Variants in RANGAP1 observed in about 807,000 individuals in gnomAD.
RANGAP1 encodes ran GTPase-activating protein 1.
A neutral mutation model predicts 63.5 loss-of-function variants in RANGAP1; 38 were observed. That is an observed-to-expected ratio of 0.60 (90% CI 0.46 to 0.78). The LOEUF is 0.78. Among genes scored for constraint, RANGAP1 ranks in the 30% least tolerant of loss-of-function variants. The pLI is 0.00. For synonymous variants in RANGAP1, 329 were observed against 310.5 expected, an observed-to-expected ratio of 1.06 and a Z score of -0.63; for missense variants, 630 against 740.3, an observed-to-expected ratio of 0.85 and a Z score of 1.73.
chr22:41,256,397 T>A, intron 8 of RANGAP1, 107 bp from the exon 9 acceptor site: 1 of 1,145,894 alleles, frequency 8.7e-7, no homozygotes. Flanking sequence ...GGCTCTGTCC[T>A]CCAGGTGGGG....
In RANGAP1 at chr22:41,256,710, C is replaced by T; in HGVS notation, c.888+1G>A. On this transcript the variant is annotated splice_donor_variant, in intron 8 of 15. Coordinates refer to ENST00000356244, the MANE Select transcript of RANGAP1 (RefSeq NM_002883.4). LOFTEE classifies it high-confidence loss of function. ...AGGACGTCAGGCGTCCAGGCTGGCA[C>T]CTTTAGCTTGGGCAGGCCGCCGCGG... is the stretch of plus-strand genomic sequence containing the variant. The T allele has an allele frequency of 1.2e-6, 2 of 1,613,622 alleles. No homozygotes were observed. The highest frequency in any genetic ancestry group is 8.5e-7 in the Non-Finnish European group (1 of 1,179,854).
intron 2 of RANGAP1, 40 bp from the exon 3 acceptor site, chr22:41,274,767 T>C: frequency 6.2e-7 from 1 of 1,610,768 alleles, no homozygotes. Context: ...GCTTTTGGAA[T>C]CACAAACAGC....
intron 15 of RANGAP1, among the ~76,000 whole-genome samples, chr22:41,248,171 A>T (rs958283119): frequency 5.5e-4 from 68 of 123,890 alleles, no homozygotes; most frequent in Non-Finnish European, 3.5e-4. Flanking sequence ...GCTCAGGGAG[A>T]GCACACTGTG....
chr22:41,266,252 T>TAGCCCTGAAGCAACCAC (rs139522), intron 4 of RANGAP1, among the ~76,000 whole-genome samples: 117,992 of 150,800 alleles, frequency 0.78, 46,186 homozygotes, highest in Admixed American at 0.81. Flanking sequence ...AACTGACCTC[T>TAGCCCTGAAGCAACCAC]AGCTGCTCAA....
At chr22:41,281,798 C>CA (rs1368552652) in intron 1 of RANGAP1, 1 of 252,860 alleles carries the variant, frequency 4.0e-6, no homozygotes, top group Non-Finnish European at 6.2e-6. Flanking sequence ...TGATAAGCCT[C>CA]ACTATTTATA....
upstream of RANGAP1, among the ~76,000 whole-genome samples, chr22:41,289,741 C>T (rs567228025): frequency 2.2e-4 from 33 of 152,180 alleles, no homozygotes; most frequent in Non-Finnish European, 4.0e-4. Context: ...TCTGCCTGGC[C>T]CAAGAAGTGT....
intron 3 of RANGAP1, among the ~76,000 whole-genome samples, chr22:41,269,896 C>T (rs1421628236): frequency 1.3e-5 from 2 of 152,176 alleles, no homozygotes; most frequent in African/African-American, 2.4e-5. Context: ...TGCAGTGGAG[C>T]AATCTCGGCT....
chr22:41,298,931 AG>A, the RANGAP1 span, among the ~76,000 whole-genome samples: 1 of 152,206 alleles, frequency 6.6e-6, no homozygotes, highest in Non-Finnish European at 1.5e-5. Context: ...CAGCATGGTC[AG>A]GTTGTTGGTG....
At chr22:41,272,856 A>T (rs1164629518) in intron 3 of RANGAP1, among the ~76,000 whole-genome samples, 1 of 151,144 alleles carries the variant, frequency 6.6e-6, no homozygotes, top group Non-Finnish European at 1.5e-5. Context: ...TCTGTCGCTC[A>T]GGCTGGAGTG....
At chr22:41,249,668 G>A in intron 14 of RANGAP1, 61 bp downstream of exon 14, 2 of 1,567,602 alleles carry the variant, frequency 1.3e-6, no homozygotes, top group South Asian at 1.1e-5. Context: ...CATGGCTGGG[G>A]CAGCTTCTGT....
At chr22:41,247,926 T>C (rs538045841) in intron 15 of RANGAP1, among the ~76,000 whole-genome samples, 78 of 152,262 alleles carry the variant, frequency 5.1e-4, no homozygotes, top group African/African-American at 1.9e-3. Context: ...TGCTGGAGGT[T>C]GGGCAACAAG....
chr22:41,297,609 C>T, the RANGAP1 span, among the ~76,000 whole-genome samples: 1 of 148,860 alleles, frequency 6.7e-6, no homozygotes, highest in Non-Finnish European at 1.5e-5. Flanking sequence ...CTTCTTGGCT[C>T]AAGGATCCTC....
At chr22:41,271,889 C>T (rs2034856032) in intron 3 of RANGAP1, among the ~76,000 whole-genome samples, 1 of 152,208 alleles carries the variant, frequency 6.6e-6, no homozygotes, top group Non-Finnish European at 1.5e-5. Context: ...AGATCCCACC[C>T]TGCCCCTGCC....
upstream of RANGAP1, among the ~76,000 whole-genome samples, chr22:41,289,228 G>A (rs2035808908): frequency 1.3e-5 from 2 of 151,944 alleles, no homozygotes; most frequent in Non-Finnish European, 2.9e-5. Flanking sequence ...CCGGCCTCCT[G>A]AATCTATCTT....
chr22:41,261,021 C>G (rs547482679), intron 6 of RANGAP1, among the ~76,000 whole-genome samples: 1 of 152,278 alleles, frequency 6.6e-6, no homozygotes, highest in African/African-American at 2.4e-5. Flanking sequence ...CATTTGGCAC[C>G]TGAGCCCTGC....
At chr22:41,278,775 C>A (rs977637766) in intron 2 of RANGAP1, among the ~76,000 whole-genome samples, 1 of 152,206 alleles carries the variant, frequency 6.6e-6, no homozygotes, top group Non-Finnish European at 1.5e-5. Context: ...TCAAAGTGGG[C>A]GGATCACCTG....
At chr22:41,295,064 G>A in the RANGAP1 span, among the ~76,000 whole-genome samples, 1 of 147,240 alleles carries the variant, frequency 6.8e-6, no homozygotes, top group Non-Finnish European at 1.5e-5. Context: ...CGCCCTATCC[G>A]GGAGGGAGGT....
chr22:41,276,419 C>T lies in RANGAP1; in HGVS notation c.113-1692G>A, dbSNP rs2035148345. 2.0e-5 allele frequency among the ~76,000 whole-genome samples: 3 copies of T among 150,508 alleles called. 1 individual carries two copies. The South Asian group carries it at 6.3e-4, about 32-fold the overall frequency. On this transcript the variant is annotated intron_variant, in intron 2 of 15. Coordinates refer to ENST00000356244, the MANE Select transcript of RANGAP1 (RefSeq NM_002883.4). ...TTGGGAGGCTGAGGCCTGAGGATCACCTGAGGTCAAGAGTTTGAGACCAGC... is the reference window on the plus strand; with the variant it reads ...TTGGGAGGCTGAGGCCTGAGGATCATCTGAGGTCAAGAGTTTGAGACCAGC...
chr22:41,299,424 G>T, the RANGAP1 span, among the ~76,000 whole-genome samples: 2 of 151,890 alleles, frequency 1.3e-5, no homozygotes, highest in South Asian at 4.2e-4. Context: ...GAGCCACCGC[G>T]CCCGGCCTAA....
Sources: gnomAD v4.1 joint callset for allele counts (sites outside exome capture counted in the v4.1 genomes callset) on GRCh38, gnomAD v4.1.1 for gene constraint, MANE v1.5 for transcripts, NCBI Gene and HGNC (gene_info 2026-07-23, HGNC 2026-07-21) for gene names.